Variants in PCDH11Y observed in about 807,000 individuals in gnomAD.
PCDH11Y encodes the protein protocadherin-11 Y-linked.
For synonymous variants in PCDH11Y, 9 were observed against 83.6 expected (o/e 0.11, Z 4.87); for missense variants, 12 against 224.8 (o/e 0.05, Z 6.05).
At chrY:5,187,029 G>C in intron 2 of PCDH11Y, among the ~76,000 whole-genome samples, 1 of 33,903 alleles carries the variant, frequency 2.9e-5, no homozygotes, top group East Asian at 8.0e-4. Context: ...AAATCCAGTG[G>C]GGCAGTCAAA....
intron 3 of PCDH11Y, among the ~76,000 whole-genome samples, chrY:5,545,533 C>T (rs1602941194): frequency 3.1e-5 from 1 of 32,299 alleles, no homozygotes; most frequent in Admixed American, 2.9e-4. Flanking sequence ...GTTTTATTCT[C>T]CAGCGTATGA....
At chrY:5,174,379 T>C in intron 2 of PCDH11Y, among the ~76,000 whole-genome samples, 1 of 30,191 alleles carries the variant, frequency 3.3e-5, no homozygotes. Flanking sequence ...TCCTAACATG[T>C]AGAAAAGTGG....
chrY:5,132,093 T>G, intron 2 of PCDH11Y, among the ~76,000 whole-genome samples: 1 of 33,100 alleles, frequency 3.0e-5, no homozygotes, highest in Non-Finnish European at 7.5e-5. Context: ...TAACTTTAGA[T>G]TCCCTGTTTT....
chrY:5,229,364 G>A (rs2124653572), intron 2 of PCDH11Y, among the ~76,000 whole-genome samples: 1 of 18,672 alleles, frequency 5.4e-5, no homozygotes, highest in South Asian at 1.5e-3. Flanking sequence ...TGCCCAGGCT[G>A]GAATACAGTG....
intron 4 of PCDH11Y, among the ~76,000 whole-genome samples, chrY:5,659,756 G>A: frequency 3.8e-5 from 1 of 26,029 alleles, no homozygotes; most frequent in Non-Finnish European, 8.8e-5. Flanking sequence ...GAGCCTGCTT[G>A]TTGCTCTACT....
intron 2 of PCDH11Y, among the ~76,000 whole-genome samples, chrY:5,470,934 A>G: frequency 3.4e-5 from 1 of 29,486 alleles, no homozygotes. Flanking sequence ...GTCCCTTGGT[A>G]CATGCACACA....
At chrY:5,416,147 A>C in intron 2 of PCDH11Y, among the ~76,000 whole-genome samples, 1 of 32,321 alleles carries the variant, frequency 3.1e-5, no homozygotes, top group Non-Finnish European at 7.5e-5. Flanking sequence ...ATTATCCTTT[A>C]AACGTTTGGT....
At chrY:5,629,572 T>C in intron 4 of PCDH11Y, among the ~76,000 whole-genome samples, 1 of 34,182 alleles carries the variant, frequency 2.9e-5, no homozygotes, top group East Asian at 7.6e-4. Flanking sequence ...TGCCAGTCCC[T>C]GTATCTTTTA....
intron 2 of PCDH11Y, among the ~76,000 whole-genome samples, chrY:5,486,506 C>T (rs35288624): frequency 3.5e-5 from 1 of 28,193 alleles, no homozygotes; most frequent in African/African-American, 1.4e-4. Context: ...TATGAATATA[C>T]GGATAAGCAA....
chrY:5,692,346 C>T (rs2053568760), intron 4 of PCDH11Y, among the ~76,000 whole-genome samples: 1 of 32,590 alleles, frequency 3.1e-5, no homozygotes, highest in African/African-American at 1.2e-4. Flanking sequence ...TCTAGGCCTG[C>T]CTTTGCCATG....
At chrY:5,166,239 A>C (rs2052879173) in intron 2 of PCDH11Y, among the ~76,000 whole-genome samples, 2 of 32,663 alleles carry the variant, frequency 6.1e-5, no homozygotes, top group African/African-American at 2.4e-4. Context: ...ACTAAACAAA[A>C]CTAAAAATCC....
At chrY:5,296,860 C>G in intron 2 of PCDH11Y, among the ~76,000 whole-genome samples, 2 of 31,177 alleles carry the variant, frequency 6.4e-5, no homozygotes, top group African/African-American at 2.5e-4. Flanking sequence ...TGCTCTACCC[C>G]ACTGTGGCCA....
intron 2 of PCDH11Y, among the ~76,000 whole-genome samples, chrY:5,347,255 C>T (rs2053153388): frequency 3.2e-5 from 1 of 31,696 alleles, no homozygotes; most frequent in African/African-American, 1.2e-4. Flanking sequence ...GTTTGAGACC[C>T]GCCTGGCCAA....
chrY:5,241,623 G>A lies in PCDH11Y; in HGVS notation c.3129+140916G>A. Among the ~76,000 whole-genome samples, 3 of 23,408 alleles carry A rather than the reference G, an allele frequency of 1.3e-4. No individual in the cohort carries two copies. In the South Asian group the frequency reaches 3.6e-3, roughly 28 times the overall value. 62.8% of individuals were successfully genotyped at this position (23,408 alleles called of 37,273 possible). A position where few individuals can be genotyped will look rare whatever the true frequency, so the allele number is the denominator to read the frequency against. ...AGATACATGGAAAGGGCCAGTTCAC[G>A]TCGCAGTCAGAACAGACAGGACATT... On this transcript the variant is annotated intron_variant, in intron 2 of 4. Transcript: ENST00000400457.
At chrY:5,032,035 C>A (rs2052590912) in intron 2 of PCDH11Y, 1 of 33,764 alleles carries the variant, frequency 3.0e-5, no homozygotes, top group Admixed American at 2.7e-4. Context: ...TTGCTATCCT[C>A]CTTAAAGAAT....
chrY:5,108,670 C>A (rs2052799122), downstream of PCDH11Y, among the ~76,000 whole-genome samples: 1 of 27,296 alleles, frequency 3.7e-5, no homozygotes, highest in Non-Finnish European at 8.5e-5. Flanking sequence ...TGGCACGAAC[C>A]CGGGAGGCGG....
At chrY:5,229,702 C>T in intron 2 of PCDH11Y, among the ~76,000 whole-genome samples, 1 of 31,485 alleles carries the variant, frequency 3.2e-5, no homozygotes, top group African/African-American at 1.2e-4. Flanking sequence ...TTATGTCTTC[C>T]GATTGGAGAA....
intron 2 of PCDH11Y, among the ~76,000 whole-genome samples, chrY:5,385,590 T>C (rs2053213153): frequency 3.0e-5 from 1 of 33,486 alleles, no homozygotes; most frequent in African/African-American, 1.2e-4. Flanking sequence ...TTGTAAATTT[T>C]GCTGCTATAA....
chrY:5,573,587 C>A, intron 3 of PCDH11Y: 2 of 282,649 alleles, frequency 7.1e-6, no homozygotes, highest in Non-Finnish European at 1.1e-5. Flanking sequence ...ACAATGCCTG[C>A]ATCGTTCTAC....
Sources: gnomAD v4.1 joint callset for allele counts (sites outside exome capture counted in the v4.1 genomes callset) on GRCh38, gnomAD v4.1.1 for gene constraint, MANE v1.5 for transcripts, NCBI Gene and HGNC (gene_info 2026-07-23, HGNC 2026-07-21) for gene names.